The following BRD7 variants were observed in gnomAD, a reference collection of about 807,000 sequenced individuals.
BRD7 encodes the protein bromodomain-containing protein 7.
BRD7 carries 15 observed loss-of-function variants against 82.1 expected under a neutral mutation model. That is an observed-to-expected ratio of 0.18 (90% CI 0.12 to 0.28). The LOEUF (loss-of-function observed/expected upper bound fraction) is 0.28. Among genes scored for constraint, BRD7 ranks in the 10% least tolerant of loss-of-function variants. BRD7 has a pLI of 1.00. For synonymous variants in BRD7, 232 were observed against 266.9 expected (o/e 0.87, Z 1.27); for missense variants, 638 against 779.9 (o/e 0.82, Z 2.17).
intron 5 of BRD7, among the ~76,000 whole-genome samples, chr16:50,347,851 A>T (rs900275698): frequency 1.1e-4 from 17 of 152,308 alleles, no homozygotes; most frequent in Admixed American, 9.8e-4. Context: ...TAATTTATAG[A>T]TTCAATGCCA....
intron 11 of BRD7, among the ~76,000 whole-genome samples, chr16:50,324,717 C>T (rs1467253015): frequency 3.3e-5 from 5 of 152,366 alleles, no homozygotes; most frequent in Middle Eastern, 3.4e-3. Flanking sequence ...GCATCCCTCT[C>T]GTAGCCCCAG....
chr16:50,363,988 A>G (rs1022992572), intron 2 of BRD7, among the ~76,000 whole-genome samples: 1 of 151,904 alleles, frequency 6.6e-6, no homozygotes, highest in Non-Finnish European at 1.5e-5. Context: ...ACTTAAGTCC[A>G]GGAGTTTGAA....
At chr16:50,337,256 C>CTTTTTTTT (rs71138063) in intron 6 of BRD7, among the ~76,000 whole-genome samples, 29 of 93,242 alleles carry the variant, frequency 3.1e-4, no homozygotes, top group East Asian at 6.9e-4. Context: ...GTTCATTCTT[C>CTTTTTTTT]TTTTTTTTTT....
At position 50,319,230 on chromosome 16, in the gene BRD7, C is replaced by A. The variant is rs535211149; in HGVS notation, c.1937G>T (p.Cys646Phe). ...EEPKKTDVAE[C>F]GPGGS ...GCAGCCTCAACTTCCACCAGGTCCACACTCAGCAACATCCGTCTTTTTAGG... is the reference window on the plus strand; with the variant it reads ...GCAGCCTCAACTTCCACCAGGTCCAAACTCAGCAACATCCGTCTTTTTAGG... The change falls in exon 17 of 17, where the codon TGT (cysteine) becomes TTT (phenylalanine). Residue 646 changes from cysteine (C) to phenylalanine (F), a missense_variant. By Grantham distance (205) the Cys-to-Phe change is radical (BLOSUM62 -2). Coordinates refer to ENST00000394688, the MANE Select transcript of BRD7 (RefSeq NM_013263.5). 1.9e-6 allele frequency: 3 copies of A among 1,613,554 alleles called. No individual in the cohort carries two copies. Among genetic ancestry groups the A allele is most frequent in the Non-Finnish European group, 2.5e-6 (3 of 1,179,798 alleles).
At chr16:50,358,453 A>G (rs1597093842) in intron 2 of BRD7, among the ~76,000 whole-genome samples, 1 of 148,864 alleles carries the variant, frequency 6.7e-6, no homozygotes, top group South Asian at 2.2e-4. Context: ...TCGAGATTGC[A>G]CCACTGCACT....
chr16:50,331,139 G>C (rs1384735584), intron 8 of BRD7, among the ~76,000 whole-genome samples: 1 of 152,008 alleles, frequency 6.6e-6, no homozygotes, highest in Non-Finnish European at 1.5e-5. Flanking sequence ...ATCTCTAGAA[G>C]AACTAAAAAA....
chr16:50,329,935 A>G (rs1037910946), intron 8 of BRD7, among the ~76,000 whole-genome samples: 1 of 152,224 alleles, frequency 6.6e-6, no homozygotes, highest in Non-Finnish European at 1.5e-5. Flanking sequence ...GTCTCAGTCA[A>G]CTGAGTTCTG....
intron 8 of BRD7, among the ~76,000 whole-genome samples, chr16:50,330,597 T>C (rs181992212): frequency 2.1e-3 from 322 of 152,318 alleles, no homozygotes; most frequent in Admixed American, 5.2e-3. Flanking sequence ...CTTATAAATC[T>C]ACAAGATCTG....
intron 5 of BRD7, among the ~76,000 whole-genome samples, chr16:50,344,301 A>G (rs1325937002): frequency 6.6e-6 from 1 of 152,208 alleles, no homozygotes; most frequent in Non-Finnish European, 1.5e-5. Context: ...AACCACAAAG[A>G]CGGGGAGAAA....
intron 6 of BRD7, among the ~76,000 whole-genome samples, chr16:50,335,214 A>G (rs1471286892): frequency 6.6e-6 from 1 of 152,242 alleles, no homozygotes; most frequent in Non-Finnish European, 1.5e-5. Context: ...ATTTAGTTTA[A>G]TGGTGTGTTA....
At chr16:50,329,276 C>T (rs896746718) in intron 8 of BRD7, among the ~76,000 whole-genome samples, 1 of 152,054 alleles carries the variant, frequency 6.6e-6, no homozygotes, top group Non-Finnish European at 1.5e-5. Flanking sequence ...TTAAGGCCAC[C>T]TAGTCCTCCC....
At chr16:50,358,887 C>G (rs576314753) in intron 2 of BRD7, among the ~76,000 whole-genome samples, 6 of 152,338 alleles carry the variant, frequency 3.9e-5, no homozygotes, top group Non-Finnish European at 5.9e-5. Context: ...ATCAGGAGAT[C>G]TAGCTTCTAG....
chr16:50,320,284 A>G lies in BRD7; in HGVS notation c.1720T>C (p.Cys574Arg). The G allele has an allele frequency of 6.2e-7, 1 of 1,614,184 alleles. No homozygotes were observed. The highest frequency in any genetic ancestry group is 8.5e-7 in the Non-Finnish European group (1 of 1,180,028). Residue 574 changes from cysteine (C) to arginine (R), a missense_variant, in exon 15 of 17, where the codon TGT becomes CGT. Physicochemically the swap from Cys to Arg is radical, Grantham distance 180. Around this residue, in one of 3 missense-constraint regions of BRD7, gnomAD observed 402 missense variants for 500.8 expected, o/e 0.80. Coordinates refer to ENST00000394688, the MANE Select transcript of BRD7 (RefSeq NM_013263.5). ...TCTCTGTATGAGGGACCCAAGAGACAGATCATGTTCGGAGGGGGTCTGGTG... is the reference window on the plus strand; with the variant it reads ...TCTCTGTATGAGGGACCCAAGAGACGGATCATGTTCGGAGGGGGTCTGGTG... ...LSTRPPPNMI[C>R]LLGPSYREMH... is the part of the protein sequence containing the mutation.
At chr16:50,322,777 T>C (rs528029213) in intron 12 of BRD7, among the ~76,000 whole-genome samples, 5 of 152,258 alleles carry the variant, frequency 3.3e-5, no homozygotes, top group African/African-American at 9.6e-5. Context: ...GATGAGGATA[T>C]GGTAAAAAAA....
intron 10 of BRD7, 33 bp from the exon 11 acceptor site, chr16:50,325,916 C>A: frequency 6.5e-7 from 1 of 1,545,386 alleles, no homozygotes; most frequent in South Asian, 1.2e-5. Context: ...TAACACTATT[C>A]TTTAACTTGC....
intron 5 of BRD7, among the ~76,000 whole-genome samples, chr16:50,341,688 G>T (rs1453250600): frequency 6.7e-6 from 1 of 149,816 alleles, no homozygotes; most frequent in African/African-American, 2.5e-5. Flanking sequence ...GGGATGGGAC[G>T]CAAGTGAACG....
At chr16:50,339,917 C>T in intron 6 of BRD7, 59 bp downstream of exon 6, 2 of 1,027,694 alleles carry the variant, frequency 1.9e-6, no homozygotes, top group East Asian at 2.6e-5. Context: ...ATTACTATGG[C>T]CAACAAACAG....
chr16:50,322,886 CCGAGGCACTAACCTCAG>C (rs1264820316), intron 12 of BRD7, among the ~76,000 whole-genome samples: 1 of 152,202 alleles, frequency 6.6e-6, no homozygotes, highest in Non-Finnish European at 1.5e-5. Context: ...TTGGGCCTGA[CCGAGGCACTAACCTCAG>C]CTCTGCTGAC....
At chr16:50,331,538 CA>C (rs2037565776) in intron 8 of BRD7, among the ~76,000 whole-genome samples, 1 of 152,132 alleles carries the variant, frequency 6.6e-6, no homozygotes, top group Non-Finnish European at 1.5e-5. Context: ...CTCATTTCTA[CA>C]AAAAATACAA....
Sources: gnomAD v4.1 joint callset for allele counts (sites outside exome capture counted in the v4.1 genomes callset) on GRCh38, gnomAD v4.1.1 for gene constraint, gnomAD v4.1.1 regional missense constraint, MANE v1.5 for transcripts, NCBI Gene and HGNC (gene_info 2026-07-23, HGNC 2026-07-21) for gene names.